The following RGS7 variants were observed in gnomAD, a reference collection of about 807,000 sequenced individuals.
The protein encoded by RGS7 is regulator of G-protein signaling 7.
RGS7 carries 27 observed loss-of-function variants against 81.1 expected under a neutral mutation model. The observed-to-expected ratio is 0.33, with a 90% CI of 0.25 to 0.46. The LOEUF (loss-of-function observed/expected upper bound fraction) is 0.46. RGS7 is among the 20% of genes least tolerant of loss of function. The probability of loss-of-function intolerance (pLI) is 1.00; values close to 1 mark genes in which losing one functional copy is unlikely to be tolerated. For missense variants in RGS7, 396 were observed against 607.4 expected (o/e 0.65, Z 3.66); for synonymous variants, 208 against 207.7 (o/e 1.00, Z -0.01).
Position 241,259,667 on chromosome 1 carries a change from A to ATAT in RGS7, c.78+96031_78+96032insATA, listed in dbSNP as rs1553302296. The stretch of plus-strand genomic sequence containing the variant: ...CTCCGTCTCAAAAAAAAAAAAAAAA[A>ATAT]ATATATATATATATATATAATTAAA... On this transcript the variant is annotated intron_variant, in intron 2 of 18. Coordinates refer to ENST00000440928, the MANE Select transcript of RGS7 (RefSeq NM_001364886.1). 3.7e-3 allele frequency among the ~76,000 whole-genome samples: 182 copies of ATAT among 49,114 alleles called. 2 individuals carry two copies. Among genetic ancestry groups the ATAT allele is most frequent in the South Asian group, 8.4e-3 (8 of 950 alleles). The allele number at this position is 49,114 out of a possible 152,430, so 32.2% of individuals were successfully genotyped here. A position where few individuals can be genotyped will look rare whatever the true frequency, so the allele number is the denominator to read the frequency against.
chr1:241,235,708 C>G (rs1049028844), intron 2 of RGS7, among the ~76,000 whole-genome samples: 1 of 148,442 alleles, frequency 6.7e-6, no homozygotes, highest in Non-Finnish European at 1.5e-5. Flanking sequence ...CTCTTTCCTT[C>G]TCTCTCTCCC....
intron 2 of RGS7, among the ~76,000 whole-genome samples, chr1:241,345,321 T>C (rs1573775996): frequency 6.6e-6 from 1 of 152,148 alleles, no homozygotes; most frequent in East Asian, 1.9e-4. Context: ...AGAAATAATC[T>C]GTACAACAAA....
At chr1:241,199,102 A>C (rs1394499870) in intron 2 of RGS7, among the ~76,000 whole-genome samples, 1 of 145,994 alleles carries the variant, frequency 6.8e-6, no homozygotes, top group African/African-American at 2.8e-5. Context: ...ATGTAAAAAA[A>C]AGAAGTCATC....
chr1:241,317,216 A>G (rs2080934031), intron 2 of RGS7, among the ~76,000 whole-genome samples: 1 of 152,246 alleles, frequency 6.6e-6, no homozygotes, highest in Admixed American at 6.5e-5. Flanking sequence ...GATAATTGTA[A>G]ATGGAGTAAA....
rs2148363468 is a variant in RGS7, at chr1:241,274,369, T to C, written c.78+81330A>G. Among the ~76,000 whole-genome samples, 2 of 152,312 alleles carry C rather than the reference T, an allele frequency of 1.3e-5. 1 individual carries two copies. Among genetic ancestry groups the C allele is most frequent in the South Asian group, 4.1e-4 (2 of 4,820 alleles). ...ACCAGACACCTAACTGGTAAAAGAT[T>C]AGTTAAACCTAAATATGCCCAGAAT... On this transcript the variant is annotated intron_variant, in intron 2 of 18. Transcript: ENST00000440928.
chr1:240,878,027 T>G (rs372215081), intron 6 of RGS7, among the ~76,000 whole-genome samples: 40 of 152,284 alleles, frequency 2.6e-4, no homozygotes, highest in African/African-American at 9.1e-4. Context: ...CAGTCCTTAC[T>G]GCCCCATTAA....
At chr1:241,118,662 C>T (rs2066035280) in intron 2 of RGS7, among the ~76,000 whole-genome samples, 1 of 151,872 alleles carries the variant, frequency 6.6e-6, no homozygotes, top group South Asian at 2.1e-4. Flanking sequence ...CAACAGTTGA[C>T]AGAATAAAGA....
rs148937810 is a variant in RGS7, at chr1:241,280,349, C to A, written c.78+75350G>T. Among the ~76,000 whole-genome samples, 35 of 152,186 alleles carry A rather than the reference C, an allele frequency of 2.3e-4. 1 individual carries two copies. In the East Asian group the frequency reaches 6.4e-3, roughly 28 times the overall value. On this transcript the variant is annotated intron_variant, in intron 2 of 18. Coordinates refer to ENST00000440928, the MANE Select transcript of RGS7 (RefSeq NM_001364886.1). ...CATTCTTCCTCATGGCCTGCTGATA[C>A]CTCAATCTCAGGTTTCTAGTCTCCA...
intron 10 of RGS7, among the ~76,000 whole-genome samples, chr1:240,825,961 CTA>C (rs899668799): frequency 6.6e-6 from 1 of 152,182 alleles, no homozygotes; most frequent in African/African-American, 2.4e-5. Context: ...AGTAATTTCA[CTA>C]TTCAGAAAGT....
At chr1:241,104,022 T>C (rs1049699735) in intron 2 of RGS7, among the ~76,000 whole-genome samples, 7 of 152,230 alleles carry the variant, frequency 4.6e-5, no homozygotes, top group African/African-American at 1.7e-4. Context: ...CTGACTGTAC[T>C]ACTTACAAGC....
intron 6 of RGS7, among the ~76,000 whole-genome samples, chr1:240,879,590 T>C (rs1666045380): frequency 6.6e-6 from 1 of 152,218 alleles, no homozygotes; most frequent in African/African-American, 2.4e-5. Context: ...TGGAGTGAGT[T>C]TTCTTTCATT....
At chr1:240,867,188 C>G (rs1426501796) in intron 9 of RGS7, among the ~76,000 whole-genome samples, 3 of 152,136 alleles carry the variant, frequency 2.0e-5, no homozygotes, top group African/African-American at 7.2e-5. Flanking sequence ...AGAACAAATT[C>G]AATATAGCAT....
At chr1:241,096,944 G>A (rs771041833) in intron 3 of RGS7, among the ~76,000 whole-genome samples, 1 of 152,076 alleles carries the variant, frequency 6.6e-6, no homozygotes, top group Non-Finnish European at 1.5e-5. Context: ...AAGGAGATAA[G>A]TTCACCCCTT....
chr1:240,940,050 A>G (rs1677320859), intron 4 of RGS7, among the ~76,000 whole-genome samples: 5 of 152,196 alleles, frequency 3.3e-5, no homozygotes, highest in Non-Finnish European at 7.3e-5. Flanking sequence ...ACTGCACTCC[A>G]GCCTGGGCGA....
At chr1:241,299,231 A>G (rs2079594397) in intron 2 of RGS7, among the ~76,000 whole-genome samples, 1 of 151,954 alleles carries the variant, frequency 6.6e-6, no homozygotes, top group African/African-American at 2.4e-5. Flanking sequence ...TCCCTTTCTC[A>G]CTCTGACATT....
intron 2 of RGS7, among the ~76,000 whole-genome samples, chr1:241,153,417 G>T (rs777329527): frequency 3.9e-5 from 6 of 152,138 alleles, no homozygotes; most frequent in Admixed American, 1.3e-4. Context: ...TGAACAATTT[G>T]GTGAAGAAGA....
chr1:241,088,011 T>TA (rs2063572917), intron 3 of RGS7, among the ~76,000 whole-genome samples: 1 of 127,366 alleles, frequency 7.9e-6, no homozygotes, highest in Admixed American at 7.4e-5. Flanking sequence ...CACACACATA[T>TA]ATATATACAC....
At chr1:241,147,784 A>T (rs1190249375) in intron 2 of RGS7, among the ~76,000 whole-genome samples, 4 of 101,482 alleles carry the variant, frequency 3.9e-5, no homozygotes, top group Non-Finnish European at 5.9e-5. Context: ...TAAGTTTTAT[A>T]TATATATATA....
At chr1:240,795,218 C>A (rs1349668576) in intron 18 of RGS7, among the ~76,000 whole-genome samples, 1 of 152,022 alleles carries the variant, frequency 6.6e-6, no homozygotes, top group African/African-American at 2.4e-5. Context: ...CCCACCACCA[C>A]CAACAAAAAT....
Sources: allele counts gnomAD v4.1 joint callset (sites outside exome capture counted in the v4.1 genomes callset), GRCh38; gene constraint gnomAD v4.1.1; transcripts MANE v1.5; gene names NCBI Gene and HGNC (gene_info 2026-07-23, HGNC 2026-07-21).